Variants in TNR observed in about 807,000 individuals in gnomAD.
The protein encoded by TNR is tenascin R.
A neutral mutation model predicts 150.4 loss-of-function variants in TNR; 45 were observed. The observed-to-expected ratio is 0.30, with a 90% CI of 0.24 to 0.38. TNR has a LOEUF of 0.38. Ranked by LOEUF, TNR falls within the 10% of genes least tolerant of loss-of-function variation. The pLI is 1.00. For missense variants in TNR, 1,544 were observed against 1,759.1 expected (o/e 0.88, Z 2.19); for synonymous variants, 687 against 678.4 (o/e 1.01, Z -0.20).
chr1:175,644,601 C>T (rs371466519), intron 1 of TNR, among the ~76,000 whole-genome samples: 32 of 152,220 alleles, frequency 2.1e-4, no homozygotes, highest in African/African-American at 7.2e-4. Context: ...TGTCCTGGGC[C>T]ATTTTGTGAA....
At chr1:175,710,486 C>G (rs978824121) in intron 1 of TNR, among the ~76,000 whole-genome samples, 2 of 152,078 alleles carry the variant, frequency 1.3e-5, no homozygotes, top group Non-Finnish European at 2.9e-5. Context: ...GAGTTCTGGC[C>G]CTACGGTTGA....
intron 2 of TNR, among the ~76,000 whole-genome samples, chr1:175,462,022 T>G (rs1367496667): frequency 6.6e-6 from 1 of 152,210 alleles, no homozygotes; most frequent in Non-Finnish European, 1.5e-5. Flanking sequence ...ATGCCTATAA[T>G]GTAGAGTTGT....
At chr1:175,372,153 G>A (rs572436717) in intron 9 of TNR, among the ~76,000 whole-genome samples, 5 of 152,204 alleles carry the variant, frequency 3.3e-5, no homozygotes, top group East Asian at 1.9e-4. Flanking sequence ...CCGGCTTCCC[G>A]CATGATTGTA....
chr1:175,580,965 A>T (rs1258082510), intron 1 of TNR, among the ~76,000 whole-genome samples: 1 of 152,214 alleles, frequency 6.6e-6, no homozygotes, highest in Non-Finnish European at 1.5e-5. Context: ...TTGAAAACAA[A>T]AACTGTGTGA....
chr1:175,575,700 G>T (rs1297750675), intron 1 of TNR, among the ~76,000 whole-genome samples: 2 of 152,200 alleles, frequency 1.3e-5, no homozygotes, highest in African/African-American at 4.8e-5. Flanking sequence ...AATGTAACCA[G>T]GTAGACAGCA....
intron 1 of TNR, among the ~76,000 whole-genome samples, chr1:175,636,642 C>T (rs943613958): frequency 6.6e-6 from 1 of 152,212 alleles, no homozygotes. Context: ...TCAAATCTGC[C>T]TGATTTCTAT....
chr1:175,621,063 T>C (rs1663958817), intron 1 of TNR, among the ~76,000 whole-genome samples: 1 of 152,190 alleles, frequency 6.6e-6, no homozygotes, highest in Non-Finnish European at 1.5e-5. Context: ...CGCTCTTGCC[T>C]TGATTCAGGA....
chr1:175,400,651 G>A lies in TNR; in HGVS notation c.976+2489C>T, dbSNP rs566244665. On this transcript the variant is annotated intron_variant, in intron 4 of 22. Transcript: ENST00000367674. ...CACACAATGGGCAGCTATTTTCTAC[G>A]CCCTTGCCAAAGAGAAAAGAATGCC... Among the ~76,000 whole-genome samples the A allele has an allele frequency of 3.5e-4, 54 of 152,208 alleles. No individual in the cohort carries two copies. In the South Asian group the frequency reaches 7.7e-3, roughly 22 times the overall value.
chr1:175,380,936 T>C (rs750581655), intron 8 of TNR, among the ~76,000 whole-genome samples: 1 of 152,218 alleles, frequency 6.6e-6, no homozygotes, highest in African/African-American at 2.4e-5. Context: ...CCAATTGTTC[T>C]TGTGGAAGAC....
At chr1:175,358,281 C>T (rs73036281) in intron 15 of TNR, among the ~76,000 whole-genome samples, 5,656 of 152,176 alleles carry the variant, frequency 0.037, 358 homozygotes, top group African/African-American at 0.13. Flanking sequence ...CCAAATATGA[C>T]CTTTCATGTA....
chr1:175,553,878 G>T (rs1035698483), intron 1 of TNR, among the ~76,000 whole-genome samples: 2 of 147,656 alleles, frequency 1.4e-5, no homozygotes, highest in Non-Finnish European at 3.0e-5. Flanking sequence ...TGGAAAAACA[G>T]GATTCAAAAT....
chr1:175,376,651 C>G (rs1652400616), intron 9 of TNR, among the ~76,000 whole-genome samples: 1 of 152,136 alleles, frequency 6.6e-6, no homozygotes, highest in Non-Finnish European at 1.5e-5. Flanking sequence ...TTGTCCCTTT[C>G]TCTTTTTCAT....
intron 1 of TNR, among the ~76,000 whole-genome samples, chr1:175,696,239 TTTTTTC>T (rs1306870005): frequency 3.4e-5 from 5 of 146,648 alleles, no homozygotes; most frequent in African/African-American, 1.3e-4. Flanking sequence ...TTTTTTTTTT[TTTTTTC>T]CAAAATTTAA....
chr1:175,690,125 C>T (rs1640786121), intron 1 of TNR, among the ~76,000 whole-genome samples: 1 of 152,190 alleles, frequency 6.6e-6, no homozygotes, highest in Non-Finnish European at 1.5e-5. Flanking sequence ...AGGCTTTTGG[C>T]TTAGATCCGG....
chr1:175,689,576 C>A (rs1666298581), intron 1 of TNR, among the ~76,000 whole-genome samples: 1 of 152,138 alleles, frequency 6.6e-6, no homozygotes. Flanking sequence ...TGGCTTGATG[C>A]AACTTCTGGA....
At chr1:175,652,708 G>A (rs1665037455) in intron 1 of TNR, among the ~76,000 whole-genome samples, 1 of 152,176 alleles carries the variant, frequency 6.6e-6, no homozygotes, top group African/African-American at 2.4e-5. Context: ...CTTCCACCAT[G>A]GTTGTAAGTT....
intron 1 of TNR, among the ~76,000 whole-genome samples, chr1:175,712,421 A>G (rs1433626023): frequency 6.6e-6 from 1 of 152,186 alleles, no homozygotes; most frequent in African/African-American, 2.4e-5. Flanking sequence ...CAAGAGTCCA[A>G]GCAAGAGGTG....
chr1:175,691,820 C>T (rs911339924), intron 1 of TNR, among the ~76,000 whole-genome samples: 1 of 152,078 alleles, frequency 6.6e-6, no homozygotes, highest in African/African-American at 2.4e-5. Flanking sequence ...CTGCCAAAAC[C>T]ATCGTGTGAT....
In TNR at chr1:175,393,869, A is replaced by G. The variant is rs770346593; in HGVS notation, c.1267T>C (p.Phe423Leu). 2.4e-5 allele frequency: 38 copies of G among 1,614,084 alleles called. No homozygotes were observed. The highest frequency in any genetic ancestry group is 3.1e-5 in the Non-Finnish European group (36 of 1,180,008). Residue 423 changes from phenylalanine (F) to leucine (L), a missense_variant, in exon 6 of 23, where the codon TTT (phenylalanine) becomes CTT (leucine). Around this residue, in one of 2 missense-constraint regions of TNR, gnomAD observed 1,254 missense variants for 1,329.4 expected, o/e 0.94. Coordinates refer to ENST00000367674, the MANE Select transcript of TNR (RefSeq NM_003285.3). ...THLSTPQGLQ[F>L]KTITETTVEV... is the part of the protein sequence containing the mutation. ...ACGGTGGTCTCTGTGATCGTCTTAA[A>G]TTGTAGCCCTTGAGGAGTGGAGAGA...
Sources: allele counts gnomAD v4.1 joint callset (sites outside exome capture counted in the v4.1 genomes callset), GRCh38; gene constraint gnomAD v4.1.1; regional missense constraint gnomAD v4.1.1; transcripts MANE v1.5; gene names NCBI Gene and HGNC (gene_info 2026-07-23, HGNC 2026-07-21).